The following DNTT variants were observed in gnomAD, a reference collection of about 807,000 sequenced individuals.
The protein encoded by DNTT is nucleosidetriphosphate:DNA deoxynucleotidylexotransferase.
DNTT carries 47 observed loss-of-function variants against 60.9 expected under a neutral mutation model. The ratio of observed to expected loss-of-function variants is 0.77; its 90% CI spans 0.61 to 0.98. The LOEUF (loss-of-function observed/expected upper bound fraction) is 0.98, where lower values mean the gene tolerates loss of function less well. Ranked by LOEUF, DNTT falls within the 50% of genes least tolerant of loss-of-function variation. DNTT has a pLI of 0.00. For missense variants in DNTT, 665 were observed against 627.5 expected, an observed-to-expected ratio of 1.06 and a Z score of -0.64; for synonymous variants, 224 against 221.2, an observed-to-expected ratio of 1.01 and a Z score of -0.11.
chr10:96,336,841 G>A (rs1041551051), intron 10 of DNTT, among the ~76,000 whole-genome samples: 2 of 151,404 alleles, frequency 1.3e-5, no homozygotes, highest in Non-Finnish European at 1.5e-5. Flanking sequence ...GGGAGGCTGA[G>A]GCAGGAGAAT....
intron 10 of DNTT, among the ~76,000 whole-genome samples, chr10:96,337,227 T>C (rs1012520267): frequency 2.6e-5 from 4 of 152,182 alleles, no homozygotes; most frequent in Non-Finnish European, 5.9e-5. Context: ...TGTTTCCTAA[T>C]AGTTCCCCCA....
In DNTT at chr10:96,319,338, A is replaced by G. The variant is rs750029496; in HGVS notation, c.455A>G (p.Gln152Arg). ...CCAATTGCTGTACAAAAGATCTCCC[A>G]GTATGCGTGTCAGAGAAGAACCACT... ...TPPIAVQKISQYACQRRTTLN... is the reference protein window; with the variant it reads ...TPPIAVQKISRYACQRRTTLN... Residue 152 changes from glutamine (Q) to arginine (R), a missense_variant, in exon 3 of 11, where the codon CAG becomes CGG. Gln to Arg is a conservative substitution (Grantham distance 43). Coordinates refer to ENST00000371174, the MANE Select transcript of DNTT (RefSeq NM_004088.4). 2 of 1,613,952 alleles carry G rather than the reference A, an allele frequency of 1.2e-6. No homozygotes were observed. The highest frequency in any genetic ancestry group is 2.2e-5 in the East Asian group (1 of 44,888).
intron 1 of DNTT, among the ~76,000 whole-genome samples, chr10:96,317,840 T>C (rs770767315): frequency 1.3e-5 from 2 of 152,236 alleles, no homozygotes; most frequent in Non-Finnish European, 1.5e-5. Context: ...AGGTATTTTG[T>C]TATAGCAGCC....
intron 1 of DNTT, among the ~76,000 whole-genome samples, chr10:96,310,076 C>T (rs1426557508): frequency 6.6e-6 from 1 of 152,154 alleles, no homozygotes; most frequent in Admixed American, 6.5e-5. Context: ...GCTTCTCCTC[C>T]AGGAAAGCTC....
At chr10:96,312,816 C>A (rs957199186) in intron 1 of DNTT, among the ~76,000 whole-genome samples, 3 of 152,186 alleles carry the variant, frequency 2.0e-5, no homozygotes, top group African/African-American at 4.8e-5. Flanking sequence ...ACCCAGTAAT[C>A]TGAATTTTAA....
intron 1 of DNTT, 61 bp from the exon 2 acceptor site, chr10:96,318,291 A>G: frequency 6.5e-7 from 1 of 1,547,054 alleles, no homozygotes. Context: ...CCTTGAGGAA[A>G]GAGGAGAGCT....
chr10:96,325,762 C>T (rs1333070893), intron 6 of DNTT, among the ~76,000 whole-genome samples: 6 of 152,176 alleles, frequency 3.9e-5, no homozygotes, highest in African/African-American at 9.7e-5. Flanking sequence ...AGCAGCACTA[C>T]AATGAATGGA....
At chr10:96,307,745 G>T (rs1453969487) in intron 1 of DNTT, among the ~76,000 whole-genome samples, 2 of 131,712 alleles carry the variant, frequency 1.5e-5, no homozygotes, top group Admixed American at 1.6e-4. Flanking sequence ...GCATATATAT[G>T]TGTGTGTGTG....
intron 1 of DNTT, among the ~76,000 whole-genome samples, chr10:96,317,418 C>T (rs192490499): frequency 2.1e-4 from 32 of 152,212 alleles, no homozygotes; most frequent in Non-Finnish European, 3.4e-4. Context: ...GTCCATGCTT[C>T]GAAAACATGT....
rs1844817160 is a variant in DNTT, at chr10:96,318,414, A to C, written c.266A>C (p.Gln89Pro). ...GGTTCGGATGTTCTGGAGTGGCTTC[A>C]AGCACAGAAAGTACAAGTCAGCTCA... ...NSGSDVLEWL[Q>P]AQKVQVSSQP... Residue 89 changes from glutamine to proline, a missense_variant, in exon 2 of 11, where the codon CAA becomes CCA. Coordinates refer to ENST00000371174, the MANE Select transcript of DNTT (RefSeq NM_004088.4). 6.8e-6 allele frequency: 11 copies of C among 1,613,692 alleles called. No homozygotes were observed. The highest frequency in any genetic ancestry group is 1.7e-5 in the Admixed American group (1 of 59,984).
At chr10:96,316,552 C>G (rs549000954) in intron 1 of DNTT, among the ~76,000 whole-genome samples, 3 of 152,170 alleles carry the variant, frequency 2.0e-5, no homozygotes, top group Non-Finnish European at 2.9e-5. Context: ...GTTGTCCCTA[C>G]GAATTCAGCC....
intron 1 of DNTT, among the ~76,000 whole-genome samples, chr10:96,311,534 A>C (rs922131085): frequency 6.6e-6 from 1 of 152,258 alleles, no homozygotes; most frequent in African/African-American, 2.4e-5. Flanking sequence ...TCTGTGAGTT[A>C]ATTCCATAAC....
chr10:96,314,639 C>G (rs1442628155), intron 1 of DNTT, among the ~76,000 whole-genome samples: 2 of 151,024 alleles, frequency 1.3e-5, no homozygotes. Flanking sequence ...GTCTTGATCT[C>G]CTGACCTCAT....
chr10:96,311,050 T>C (rs1589369194), intron 1 of DNTT, among the ~76,000 whole-genome samples: 1 of 152,340 alleles, frequency 6.6e-6, no homozygotes, highest in Middle Eastern at 3.4e-3. Flanking sequence ...GGCAAGATCG[T>C]CTCAGTCATA....
intron 6 of DNTT, 111 bp downstream of exon 6, chr10:96,324,500 G>T: frequency 7.0e-7 from 1 of 1,435,308 alleles, no homozygotes. Context: ...ACACTTCTTT[G>T]ATGTCCATTG....
At chr10:96,305,791 C>T (rs1296605911) in intron 1 of DNTT, among the ~76,000 whole-genome samples, 1 of 152,184 alleles carries the variant, frequency 6.6e-6, no homozygotes, top group Non-Finnish European at 1.5e-5. Context: ...ATGTTCGCAA[C>T]ACCCTGATTC....
At chr10:96,317,753 G>C (rs954515155) in intron 1 of DNTT, among the ~76,000 whole-genome samples, 1 of 152,174 alleles carries the variant, frequency 6.6e-6, no homozygotes, top group Non-Finnish European at 1.5e-5. Context: ...CATATCTGCC[G>C]ACCCCTTGAT....
At chr10:96,321,620 C>T (rs960106908) in intron 4 of DNTT, among the ~76,000 whole-genome samples, 1 of 152,180 alleles carries the variant, frequency 6.6e-6, no homozygotes, top group Admixed American at 6.5e-5. Context: ...TTGCCTCTCC[C>T]TGGCGCCAGT....
At chr10:96,318,590 T>A in intron 2 of DNTT, 64 bp downstream of exon 2, 1 of 1,557,318 alleles carries the variant, frequency 6.4e-7, no homozygotes, top group Non-Finnish European at 8.7e-7. Flanking sequence ...AGGCTTAGGA[T>A]CAACGGAGCT....
Sources: allele counts gnomAD v4.1 joint callset (sites outside exome capture counted in the v4.1 genomes callset), GRCh38; gene constraint gnomAD v4.1.1; transcripts MANE v1.5; gene names NCBI Gene and HGNC (gene_info 2026-07-23, HGNC 2026-07-21).